Variants in SEL1L3 observed in about 807,000 individuals in gnomAD.
SEL1L3 encodes SEL1L family member 3.
In SEL1L3, 76 loss-of-function variants were observed where a neutral mutation model predicts 142.8. The observed-to-expected ratio is 0.53, with a 90% confidence interval of 0.44 to 0.64. SEL1L3 has a LOEUF of 0.64. Among genes scored for constraint, SEL1L3 ranks in the 30% least tolerant of loss-of-function variants. The probability of loss-of-function intolerance (pLI) is 0.00; values close to 1 mark genes in which losing one functional copy is unlikely to be tolerated. For synonymous variants in SEL1L3, 504 were observed against 519.6 expected (o/e 0.97, Z 0.41); for missense variants, 1,262 against 1,381.7 (o/e 0.91, Z 1.37).
chr4:25,826,332 A>G (rs1715092716), intron 6 of SEL1L3, among the ~76,000 whole-genome samples: 1 of 152,212 alleles, frequency 6.6e-6, no homozygotes, highest in African/African-American at 2.4e-5. Context: ...ATCTTCTCAC[A>G]CTATCCTTGT....
At chr4:25,850,575 C>T (rs1221446375) in intron 1 of SEL1L3, among the ~76,000 whole-genome samples, 1 of 152,168 alleles carries the variant, frequency 6.6e-6, no homozygotes, top group East Asian at 1.9e-4. Flanking sequence ...AATAATTTCA[C>T]TACTAGGAGT....
rs34399868 is a variant in SEL1L3, at chr4:25,748,038, C to G, written c.*387G>C. ...CACCTTGTAGAGTAGTCATAATTTT[C>G]TGTTCTTCAATAAAGGGATGAAGCA... On this transcript the variant is annotated 3_prime_UTR_variant, in exon 24 of 24. Transcript: ENST00000399878. 3.2e-3 allele frequency: 540 copies of G among 169,574 alleles called. 5 individuals carry two copies. The highest frequency in any genetic ancestry group is 0.013 in the South Asian group (81 of 6,132). 10.5% of individuals were successfully genotyped at this position (169,574 alleles called of 1,614,324 possible).
downstream of SEL1L3, among the ~76,000 whole-genome samples, chr4:25,744,354 T>C (rs914216198): frequency 2.2e-5 from 3 of 136,978 alleles, no homozygotes; most frequent in African/African-American, 7.9e-5. Context: ...GAGTCTTTTT[T>C]TTTTTTTTTT....
At chr4:25,819,534 A>C (rs1412499590) in intron 8 of SEL1L3, among the ~76,000 whole-genome samples, 1 of 152,086 alleles carries the variant, frequency 6.6e-6, no homozygotes, top group Non-Finnish European at 1.5e-5. Flanking sequence ...GGCACAAAAC[A>C]CTCGCTTTCA....
intron 9 of SEL1L3, among the ~76,000 whole-genome samples, chr4:25,814,623 AGCTAGG>A (rs1714251222): frequency 6.6e-6 from 1 of 152,146 alleles, no homozygotes; most frequent in Non-Finnish European, 1.5e-5. Flanking sequence ...CGCCGGAGCC[AGCTAGG>A]GCCAGACGCT....
the SEL1L3 span, among the ~76,000 whole-genome samples, chr4:25,722,226 G>T: frequency 6.6e-6 from 1 of 152,146 alleles, no homozygotes; most frequent in Non-Finnish European, 1.5e-5. Flanking sequence ...AGCAAAGTTT[G>T]TTTATGCAGA....
rs369960218 is a variant in SEL1L3 at position 25,859,371 on chromosome 4, G to A, written c.162+3304C>T. On this transcript the variant is annotated intron_variant, in intron 1 of 23. Coordinates refer to ENST00000399878, the MANE Select transcript of SEL1L3 (RefSeq NM_015187.5). ...TCTTTTCAGAAATCTGTTTGGCATC[G>A]TTCCGTGACTTATCTTTCAGCCCTC... 8.3e-4 allele frequency among the ~76,000 whole-genome samples: 127 copies of A among 152,296 alleles called. 1 individual carries two copies. The highest frequency in any genetic ancestry group is 2.5e-3 in the African/African-American group (103 of 41,546).
At chr4:25,757,125 G>A (rs1029288431) in intron 23 of SEL1L3, among the ~76,000 whole-genome samples, 14 of 151,770 alleles carry the variant, frequency 9.2e-5, no homozygotes, top group African/African-American at 2.9e-4. Flanking sequence ...AAAATTAGCC[G>A]GGTGTGGTGG....
rs563108738 is a variant in SEL1L3 at position 25,850,130 on chromosome 4, G to T, written c.163-2266C>A. On this transcript the variant is annotated intron_variant, in intron 1 of 23. Coordinates refer to ENST00000399878, the MANE Select transcript of SEL1L3 (RefSeq NM_015187.5). The stretch of plus-strand genomic sequence containing the variant: ...AGCTATGTGGACACGCAGGTATGAG[G>T]TTAAAAAGAAAAGTAGAGTTTGGCC... 3.3e-5 allele frequency among the ~76,000 whole-genome samples: 5 copies of T among 152,262 alleles called. No individual in the cohort carries two copies. The South Asian group carries it at 1.0e-3, about 32-fold the overall frequency.
At chr4:25,853,581 T>C (rs1717042124) in intron 1 of SEL1L3, among the ~76,000 whole-genome samples, 1 of 152,078 alleles carries the variant, frequency 6.6e-6, no homozygotes, top group African/African-American at 2.4e-5. Context: ...AAATTTTATA[T>C]TAATTGTATG....
chr4:25,812,052 G>A (rs1399439292), intron 9 of SEL1L3, among the ~76,000 whole-genome samples: 1 of 152,212 alleles, frequency 6.6e-6, no homozygotes, highest in Non-Finnish European at 1.5e-5. Context: ...TAAGGCTGGT[G>A]TAAGAAGTGG....
rs570003384 is a variant in SEL1L3, at chr4:25,814,715, G to A, written c.1564+3423C>T. Reference sequence around the variant, plus strand: ...GATAGCGTCACACTCGTCTTACTACGGTTCTTTTTATAGGAGATCAGAGTA... The same window carrying A: ...GATAGCGTCACACTCGTCTTACTACAGTTCTTTTTATAGGAGATCAGAGTA... On this transcript the variant is annotated intron_variant, in intron 9 of 23. Transcript: ENST00000399878. Among the ~76,000 whole-genome samples the A allele has an allele frequency of 1.3e-3, 194 of 152,186 alleles. 1 individual carries two copies. Among genetic ancestry groups the A allele is most frequent in the Middle Eastern group, 3.4e-3 (1 of 294 alleles).
At chr4:25,757,065 C>T (rs1378469916) in intron 23 of SEL1L3, among the ~76,000 whole-genome samples, 2 of 152,048 alleles carry the variant, frequency 1.3e-5, no homozygotes, top group Admixed American at 6.6e-5. Context: ...GTCAGGAATT[C>T]GAGACCAGCC....
chr4:25,844,338 C>T (rs143510819), intron 2 of SEL1L3, among the ~76,000 whole-genome samples: 44 of 152,112 alleles, frequency 2.9e-4, no homozygotes, highest in African/African-American at 7.0e-4. Context: ...GCCCCTTTTT[C>T]GGTAAACAAA....
chr4:25,719,401 T>A, the SEL1L3 span: 1 of 152,040 alleles, frequency 6.6e-6, no homozygotes, highest in Non-Finnish European at 1.5e-5. Flanking sequence ...AAAATATAAT[T>A]AGTTCTGTGG....
intron 6 of SEL1L3, among the ~76,000 whole-genome samples, chr4:25,828,526 A>G (rs1293085843): frequency 6.6e-6 from 1 of 151,812 alleles, no homozygotes; most frequent in Non-Finnish European, 1.5e-5. Context: ...CTGGGATTAC[A>G]GGTGCGCACC....
At chr4:25,813,936 T>C (rs1019522336) in intron 9 of SEL1L3, among the ~76,000 whole-genome samples, 1 of 152,202 alleles carries the variant, frequency 6.6e-6, no homozygotes, top group African/African-American at 2.4e-5. Flanking sequence ...AATGTTCTCA[T>C]CTCTGCTTTG....
Position 25,847,357 on chromosome 4 carries a change from A to T in SEL1L3, c.670T>A (p.Trp224Arg), listed in dbSNP as rs753182720. 6.2e-7 allele frequency: 1 copy of T among 1,613,938 alleles called. No individual in the cohort carries two copies. Among genetic ancestry groups the T allele is most frequent in the African/African-American group, 1.3e-5 (1 of 75,012 alleles). Residue 224 changes from tryptophan to arginine, a missense_variant, in exon 2 of 24, where the codon TGG becomes AGG. Around this residue, in one of 3 missense-constraint regions of SEL1L3, gnomAD observed 689 missense variants for 692.8 expected, o/e 0.99. Transcript: ENST00000399878. The stretch of plus-strand genomic sequence containing the variant: ...AGGTTCCAAATATAACCCATGTTCC[A>T]CTCAAGGCACACTTGATGATCTTTG... ...PFKDHQVCLE[W>R]NMGYIWNLRA...
chr4:25,734,038 G>T, the SEL1L3 span, among the ~76,000 whole-genome samples: 85 of 151,502 alleles, frequency 5.6e-4, no homozygotes, highest in African/African-American at 2.1e-3. Flanking sequence ...TGTTTTTTTT[G>T]AGACAGAGTC....
Sources: gnomAD v4.1 joint callset for allele counts (sites outside exome capture counted in the v4.1 genomes callset) on GRCh38, gnomAD v4.1.1 for gene constraint, gnomAD v4.1.1 regional missense constraint, MANE v1.5 for transcripts, NCBI Gene and HGNC (gene_info 2026-07-23, HGNC 2026-07-21) for gene names.